The following LIFR variants were observed in gnomAD, a reference collection of about 807,000 sequenced individuals.
LIFR encodes the protein leukemia inhibitory factor receptor.
In LIFR, 84 loss-of-function variants were observed where a neutral mutation model predicts 122.2. The ratio of observed to expected loss-of-function variants is 0.69; its 90% CI spans 0.58 to 0.82. LIFR has a LOEUF of 0.82. Among genes scored for constraint, LIFR ranks in the 40% least tolerant of loss-of-function variants. The pLI, the probability that LIFR is intolerant of heterozygous loss-of-function variation, is 0.00. For missense variants in LIFR, 1,294 were observed against 1,311.6 expected (o/e 0.99, Z 0.21); for synonymous variants, 422 against 434.7 (o/e 0.97, Z 0.36).
intron 1 of LIFR, among the ~76,000 whole-genome samples, chr5:38,570,896 C>T (rs993148643): frequency 3.9e-5 from 6 of 152,196 alleles, no homozygotes; most frequent in East Asian, 1.9e-4. Context: ...AATTAATTAC[C>T]TTTTCTCATG....
intron 14 of LIFR, chr5:38,490,827 T>C (rs951842299): frequency 7.2e-5 from 11 of 152,198 alleles, no homozygotes; most frequent in African/African-American, 2.4e-4. Flanking sequence ...CTCAAACTCC[T>C]GACCTCGTGA....
chr5:38,504,905 T>C (rs1052015012), intron 9 of LIFR, among the ~76,000 whole-genome samples: 2 of 152,194 alleles, frequency 1.3e-5, no homozygotes, highest in Non-Finnish European at 2.9e-5. Flanking sequence ...GCTGTGAGAC[T>C]GTATGAGACA....
At chr5:38,556,272 C>A (rs1328559338) in intron 1 of LIFR, 62 bp downstream of exon 1, 1 of 151,976 alleles carries the variant, frequency 6.6e-6, no homozygotes, top group Non-Finnish European at 1.5e-5. Context: ...CCCCTGGGGA[C>A]CCCGCTCGGG....
In LIFR at chr5:38,510,479, C is replaced by T. The variant is rs745909245; in HGVS notation, c.976G>A (p.Val326Ile). ...FTTEDNIFGT[V>I]IFAGYPPDTP... ...ATATACTTACATCCAGCAAAAATAA[C>T]GGTTCCAAATATGTTATCTTCGGTT... Residue 326 changes from valine (V) to isoleucine (I), a missense_variant, in exon 7 of 20, where the codon GTT becomes ATT. By Grantham distance (29) the Val-to-Ile change is conservative. Coordinates refer to ENST00000453190, the MANE Select transcript of LIFR (RefSeq NM_001127671.2). 1.6e-5 allele frequency: 26 copies of T among 1,585,612 alleles called. No homozygotes were observed. Among genetic ancestry groups the T allele is most frequent in the Non-Finnish European group, 1.8e-5 (21 of 1,161,338 alleles).
intron 5 of LIFR, 27 bp from the exon 6 acceptor site, chr5:38,511,991 G>C (rs1463292317): frequency 6.2e-7 from 1 of 1,608,056 alleles, no homozygotes; most frequent in Admixed American, 1.7e-5. Context: ...ACACAAAACT[G>C]TATTTCCAAG....
intron 1 of LIFR, among the ~76,000 whole-genome samples, chr5:38,567,158 C>T (rs936317412): frequency 6.6e-5 from 10 of 152,224 alleles, no homozygotes; most frequent in South Asian, 4.1e-4. Context: ...TCTTTCACTG[C>T]GTTCGTTGAA....
intron 1 of LIFR, among the ~76,000 whole-genome samples, chr5:38,567,500 T>TTATTTATTTATTTATGTATG (rs1206402076): frequency 7.2e-6 from 1 of 138,830 alleles, no homozygotes; most frequent in Non-Finnish European, 1.5e-5. Context: ...CATTCTGTAT[T>TTATTTATTTATTTATGTATG]TATTTATTTA....
intron 1 of LIFR, among the ~76,000 whole-genome samples, chr5:38,541,375 C>A (rs1358150565): frequency 6.6e-6 from 1 of 152,170 alleles, no homozygotes; most frequent in Non-Finnish European, 1.5e-5. Context: ...ACCTCAGACC[C>A]ATGCACGTCA....
intron 12 of LIFR, among the ~76,000 whole-genome samples, chr5:38,499,120 G>A (rs1461780611): frequency 6.6e-6 from 1 of 152,042 alleles, no homozygotes; most frequent in Non-Finnish European, 1.5e-5. Flanking sequence ...ATGTTATAAT[G>A]CAATTTATTG....
rs375346360 is a variant in LIFR at position 38,586,381 on chromosome 5, A to G, written c.-20+8880T>C. Among the ~76,000 whole-genome samples, 186 of 152,330 alleles carry G rather than the reference A, an allele frequency of 1.2e-3. 4 individuals carry two copies. The South Asian group carries it at 0.038, about 31-fold the overall frequency. On this transcript the variant is annotated intron_variant, in intron 1 of 19. Coordinates refer to the LIFR transcript ENST00000263409. ...GAAGTCTCACACTTATAATGTTTAA[A>G]TAAAAGAAGATACAAGTCTGTTACA...
chr5:38,530,688 A>G, intron 1 of LIFR, 22 bp from the exon 2 acceptor site: 1 of 1,607,464 alleles, frequency 6.2e-7, no homozygotes, highest in Non-Finnish European at 8.5e-7. Context: ...GAGGAATTCC[A>G]GATGGTGTTC....
intron 18 of LIFR, 65 bp downstream of exon 18, chr5:38,484,710 A>T (rs901585389): frequency 6.7e-6 from 7 of 1,041,360 alleles, no homozygotes; most frequent in Middle Eastern, 2.0e-4. Flanking sequence ...ACATAAACTA[A>T]TCTTACAAAT....
rs1743671394 is a variant in LIFR, at chr5:38,475,253, G to A, written c.*6342C>T. 2 of 191,642 alleles carry A rather than the reference G, an allele frequency of 1.0e-5. No individual in the cohort carries two copies. The highest frequency in any genetic ancestry group is 2.2e-5 in the Non-Finnish European group (2 of 91,662). 11.9% of individuals were successfully genotyped at this position (191,642 alleles called of 1,614,324 possible). On this transcript the variant is annotated 3_prime_UTR_variant, in exon 20 of 20. Coordinates refer to ENST00000453190, the MANE Select transcript of LIFR (RefSeq NM_001127671.2). The stretch of plus-strand genomic sequence containing the variant: ...TCCAAATTTTCACAAGGCAGGAAAT[G>A]CTTCAGTTATCATCTAAGTGGAGTT...
At chr5:38,553,635 TA>T (rs1257364824) in intron 1 of LIFR, among the ~76,000 whole-genome samples, 1 of 69,652 alleles carries the variant, frequency 1.4e-5, no homozygotes, top group African/African-American at 8.6e-5. Flanking sequence ...TATATATATA[TA>T]TATATATATA....
chr5:38,517,942 GA>G (rs36122781), intron 5 of LIFR, among the ~76,000 whole-genome samples: 55,960 of 120,380 alleles, frequency 0.46, 12,491 homozygotes, highest in African/African-American at 0.56. Flanking sequence ...CCATCTCTAT[GA>G]AAAAAAAAAA....
At chr5:38,607,396 T>C (rs1279084747) in intron 1 of LIFR, among the ~76,000 whole-genome samples, 2 of 152,204 alleles carry the variant, frequency 1.3e-5, no homozygotes, top group Non-Finnish European at 2.9e-5. Flanking sequence ...TATAAAATCT[T>C]TTTTGTCTAT....
At chr5:38,581,555 C>T (rs1258551204) in intron 1 of LIFR, among the ~76,000 whole-genome samples, 1 of 152,194 alleles carries the variant, frequency 6.6e-6, no homozygotes, top group East Asian at 1.9e-4. Flanking sequence ...CTATTTCTTG[C>T]TTGTATATTA....
At chr5:38,604,155 T>C (rs1750277250) in intron 2 of LIFR, among the ~76,000 whole-genome samples, 1 of 152,194 alleles carries the variant, frequency 6.6e-6, no homozygotes, top group Non-Finnish European at 1.5e-5. Context: ...CTTGGGCACT[T>C]GGAGCTCATG....
At chr5:38,568,988 T>TG (rs1283986313) in intron 1 of LIFR, among the ~76,000 whole-genome samples, 4 of 152,218 alleles carry the variant, frequency 2.6e-5, no homozygotes, top group African/African-American at 7.2e-5. Flanking sequence ...TCCCCAGTGA[T>TG]GATCAGTCAT....
Sources: gnomAD v4.1 joint callset for allele counts (sites outside exome capture counted in the v4.1 genomes callset) on GRCh38, gnomAD v4.1.1 for gene constraint, MANE v1.5 for transcripts, NCBI Gene and HGNC (gene_info 2026-07-23, HGNC 2026-07-21) for gene names.